The following C6orf52 variants were observed in gnomAD, a reference collection of about 807,000 sequenced individuals.
C6orf52 encodes putative uncharacterized protein C6orf52.
C6orf52 carries 16 observed loss-of-function variants against 16.6 expected under a neutral mutation model. That is an observed-to-expected ratio of 0.96 (90% CI 0.65 to 1.46). C6orf52 has a LOEUF of 1.46. Among genes scored for constraint, C6orf52 ranks in the 40% most tolerant of loss-of-function variants. The pLI is 0.00. For synonymous variants in C6orf52, 53 were observed against 61.4 expected, an observed-to-expected ratio of 0.86 and a Z score of 0.64; for missense variants, 166 against 182.3, an observed-to-expected ratio of 0.91 and a Z score of 0.52.
At chr6:10,682,052 G>A (rs549756698) in intron 4 of C6orf52, among the ~76,000 whole-genome samples, 12 of 152,166 alleles carry the variant, frequency 7.9e-5, no homozygotes, top group African/African-American at 2.4e-4. Context: ...TTTTCAACTC[G>A]TATGTGATGG....
chr6:10,682,696 T>C (rs1768505138), intron 4 of C6orf52, among the ~76,000 whole-genome samples: 1 of 152,198 alleles, frequency 6.6e-6, no homozygotes, highest in African/African-American at 2.4e-5. Flanking sequence ...CTTCCTCAAA[T>C]AAGACACATT....
rs1768955058 is a variant in C6orf52 at position 10,687,510 on chromosome 6, T to C, written c.41A>G (p.Gln14Arg). Residue 14 changes from glutamine to arginine, a missense_variant, in exon 2 of 5, where the codon CAA becomes CGA. Coordinates refer to ENST00000259983, the MANE Select transcript of C6orf52 (RefSeq NM_001145020.3). ...CCAGTAGCAGTAATAGTTATTTTGT[T>C]GAGCTATGCCAAAATCTGCAGAACT... Reference protein sequence around the residue: ...PESSADFGIAQQNNYYCYWQS... With the variant: ...PESSADFGIARQNNYYCYWQS... 1 of 1,551,270 alleles carries C rather than the reference T, an allele frequency of 6.4e-7. No homozygotes were observed. Among genetic ancestry groups the C allele is most frequent in the Non-Finnish European group, 8.7e-7 (1 of 1,146,700 alleles).
At position 10,682,405 on chromosome 6, in the gene C6orf52, A is replaced by G. The variant is rs536663607; in HGVS notation, c.316+782T>C. Among the ~76,000 whole-genome samples the G allele has an allele frequency of 1.9e-4, 29 of 152,364 alleles. 1 individual carries two copies. In the East Asian group the frequency reaches 5.6e-3, roughly 29 times the overall value. Reference sequence around the variant, plus strand: ...CAGCATATAAACATTTCTTTTCAACACCAATTTGATTTAATTTAAACACTG... The same window carrying G: ...CAGCATATAAACATTTCTTTTCAACGCCAATTTGATTTAATTTAAACACTG... On this transcript the variant is annotated intron_variant, in intron 4 of 4. Coordinates refer to ENST00000259983, the MANE Select transcript of C6orf52 (RefSeq NM_001145020.3).
In C6orf52 at chr6:10,684,297, G is replaced by A. The variant is rs552469515; in HGVS notation, c.271-1065C>T. ...CACTCCAGCCTGGGCAAAAGAGCAAGACATCATCTCTAAAAGCTAATTATA... is the reference window on the plus strand; with the variant it reads ...CACTCCAGCCTGGGCAAAAGAGCAAAACATCATCTCTAAAAGCTAATTATA... On this transcript the variant is annotated intron_variant, in intron 3 of 4. Transcript: ENST00000259983. Among the ~76,000 whole-genome samples, 4 of 152,228 alleles carry A rather than the reference G, an allele frequency of 2.6e-5. No homozygotes were observed. The South Asian group carries it at 8.3e-4, about 32-fold the overall frequency.
At chr6:10,674,515 A>G (rs992888884) in intron 4 of C6orf52, 1 of 152,154 alleles carries the variant, frequency 6.6e-6, no homozygotes, top group Non-Finnish European at 1.5e-5. Context: ...CACGTACAAC[A>G]TAGTGTTTTA....
chr6:10,676,169 T>A (rs1767863739), intron 4 of C6orf52, among the ~76,000 whole-genome samples: 1 of 152,114 alleles, frequency 6.6e-6, no homozygotes, highest in African/African-American at 2.4e-5. Flanking sequence ...CTTATCCCTG[T>A]AACCAAAAAC....
intron 3 of C6orf52, among the ~76,000 whole-genome samples, chr6:10,685,247 G>GAA (rs34615421): frequency 5.3e-4 from 39 of 73,034 alleles, no homozygotes; most frequent in Middle Eastern, 0.01. Flanking sequence ...AGGGGCAAAA[G>GAA]AAAAAAAAAA....
chr6:10,691,637 T>C (rs980892990), intron 1 of C6orf52, among the ~76,000 whole-genome samples: 8 of 152,026 alleles, frequency 5.3e-5, no homozygotes, highest in African/African-American at 1.9e-4. Flanking sequence ...CATAAGACAA[T>C]ATGAGGGGTG....
At chr6:10,672,853 A>T (rs1195717861) in intron 4 of C6orf52, among the ~76,000 whole-genome samples, 2 of 152,152 alleles carry the variant, frequency 1.3e-5, no homozygotes, top group Admixed American at 6.5e-5. Flanking sequence ...CTTTGTTTAA[A>T]CCACCCAGTC....
At chr6:10,673,684 C>T (rs568033080) in intron 4 of C6orf52, among the ~76,000 whole-genome samples, 3 of 152,036 alleles carry the variant, frequency 2.0e-5, no homozygotes, top group Non-Finnish European at 2.9e-5. Flanking sequence ...TATTGCTTCC[C>T]GGCCTTTTGG....
At chr6:10,688,121 C>T (rs1769010740) in intron 1 of C6orf52, among the ~76,000 whole-genome samples, 1 of 146,248 alleles carries the variant, frequency 6.8e-6, no homozygotes, top group Non-Finnish European at 1.5e-5. Flanking sequence ...TCGCCCCCTT[C>T]CCTTCTCTCC....
intron 3 of C6orf52, among the ~76,000 whole-genome samples, chr6:10,686,532 T>C (rs1284097597): frequency 6.6e-6 from 1 of 152,230 alleles, no homozygotes; most frequent in Non-Finnish European, 1.5e-5. Flanking sequence ...AGTGTGTTTA[T>C]GTCCAACTGC....
At position 10,694,602 on chromosome 6, in the gene C6orf52, AACC is replaced by A; in HGVS notation, c.-123_-121del. ...GCTGCCGGCGCTACAGCCCCTAAGC[AACC>A]GGCCGGAAGTCGGCCCCACCTCCTC... On this transcript the variant is annotated 5_prime_UTR_variant, in exon 1 of 5. Coordinates refer to ENST00000259983, the MANE Select transcript of C6orf52 (RefSeq NM_001145020.3). The A allele has an allele frequency of 3.1e-5, 6 of 196,494 alleles. No homozygotes were observed. The highest frequency in any genetic ancestry group is 2.2e-4 in the South Asian group (3 of 13,816). The allele number at this position is 196,494 out of a possible 1,614,324, so 12.2% of individuals were successfully genotyped here. A position where few individuals can be genotyped will look rare whatever the true frequency, so the allele number is the denominator to read the frequency against.
chr6:10,687,109 A>G lies in C6orf52; in HGVS notation c.127T>C (p.Tyr43His), dbSNP rs1449898024. Reference protein sequence around the residue: ...QEFQPSQSYRYGNWYARQHGS... With the variant: ...QEFQPSQSYRHGNWYARQHGS... Reference sequence around the variant, plus strand: ...TGCTGTCGCGCATACCAGTTGCCATAGCGGTAACTCTGGCTGGGCTGGAAC... The same window carrying G: ...TGCTGTCGCGCATACCAGTTGCCATGGCGGTAACTCTGGCTGGGCTGGAAC... The change falls in exon 3 of 5, where the codon TAT (tyrosine) becomes CAT (histidine). Residue 43 changes from tyrosine to histidine, a missense_variant. Transcript: ENST00000259983. 26 of 1,551,890 alleles carry G rather than the reference A, an allele frequency of 1.7e-5. No homozygotes were observed. Among genetic ancestry groups the G allele is most frequent in the Non-Finnish European group, 2.2e-5 (25 of 1,146,978 alleles).
At chr6:10,676,125 C>G (rs1767858175) in intron 4 of C6orf52, among the ~76,000 whole-genome samples, 1 of 151,834 alleles carries the variant, frequency 6.6e-6, no homozygotes, top group Non-Finnish European at 1.5e-5. Context: ...GTGAGACTCA[C>G]TCTCAAAAAA....
At chr6:10,678,381 G>A (rs1387929514) in intron 4 of C6orf52, among the ~76,000 whole-genome samples, 1 of 152,006 alleles carries the variant, frequency 6.6e-6, no homozygotes, top group African/African-American at 2.4e-5. Flanking sequence ...TTACTCTTAA[G>A]TTTTTGTTAC....
At chr6:10,689,977 C>T (rs531680403) in intron 1 of C6orf52, among the ~76,000 whole-genome samples, 1 of 152,172 alleles carries the variant, frequency 6.6e-6, no homozygotes, top group African/African-American at 2.4e-5. Context: ...AATTTTTTTT[C>T]TCTCACTTTA....
intron 3 of C6orf52, among the ~76,000 whole-genome samples, chr6:10,685,642 A>C (rs1044892508): frequency 6.6e-6 from 1 of 152,214 alleles, no homozygotes; most frequent in African/African-American, 2.4e-5. Context: ...TAACATGTGA[A>C]TATCTTATGC....
chr6:10,678,709 C>T (rs1203835330), intron 4 of C6orf52, among the ~76,000 whole-genome samples: 6 of 150,654 alleles, frequency 4.0e-5, no homozygotes, highest in Admixed American at 2.0e-4. Context: ...TTTGGGAGGC[C>T]GTGGCTGGAG....
Sources: gnomAD v4.1 joint callset for allele counts (sites outside exome capture counted in the v4.1 genomes callset) on GRCh38, gnomAD v4.1.1 for gene constraint, MANE v1.5 for transcripts, NCBI Gene and HGNC (gene_info 2026-07-23, HGNC 2026-07-21) for gene names.